PUM2: variants seen among roughly 807,000 people sequenced by gnomAD.
PUM2 encodes the protein pumilio homolog 2.
Under a neutral mutation model 124.5 loss-of-function variants are expected in PUM2, and 57 were observed. The observed-to-expected ratio is 0.46, with a 90% CI of 0.37 to 0.57. The LOEUF (loss-of-function observed/expected upper bound fraction) is 0.57, where lower values mean the gene tolerates loss of function less well. Ranked by LOEUF, PUM2 falls within the 20% of genes least tolerant of loss-of-function variation. The pLI is 0.00. For missense variants in PUM2, 1,065 were observed against 1,290.6 expected (o/e 0.83, Z 2.68); for synonymous variants, 460 against 446.1 (o/e 1.03, Z -0.39).
chr2:20,264,147 G>A (rs1666958503), intron 13 of PUM2, among the ~76,000 whole-genome samples: 1 of 150,776 alleles, frequency 6.6e-6, no homozygotes, highest in Non-Finnish European at 1.5e-5. Flanking sequence ...GACCAGCCTG[G>A]CCAACGTGGT....
chr2:20,346,742 C>T (rs1470849713), intron 1 of PUM2, among the ~76,000 whole-genome samples: 1 of 152,166 alleles, frequency 6.6e-6, no homozygotes, highest in East Asian at 1.9e-4. Flanking sequence ...CCGCCATGAC[C>T]ACATTGTATG....
At chr2:20,346,645 T>C (rs1688295209) in intron 1 of PUM2, among the ~76,000 whole-genome samples, 1 of 152,210 alleles carries the variant, frequency 6.6e-6, no homozygotes, top group African/African-American at 2.4e-5. Flanking sequence ...ATAAGATAGA[T>C]CAAAGAGCTG....
At chr2:20,336,756 G>C (rs1285462325) in intron 1 of PUM2, among the ~76,000 whole-genome samples, 1 of 20,708 alleles carries the variant, frequency 4.8e-5, no homozygotes, top group Non-Finnish European at 1.2e-4. Context: ...ATCTGTGTGT[G>C]TGTGTGTGTG....
At chr2:20,327,472 T>C in intron 1 of PUM2, 94 bp from the exon 2 acceptor site, 1 of 748,178 alleles carries the variant, frequency 1.3e-6, no homozygotes, top group South Asian at 1.9e-5. Context: ...TGACTAATAT[T>C]AGCATGATCT....
intron 2 of PUM2, chr2:20,326,486 T>C: frequency 9.3e-7 from 1 of 1,072,534 alleles, no homozygotes; most frequent in Admixed American, 2.4e-5. Flanking sequence ...ACATCTTAGG[T>C]CTGTTCACTG....
In PUM2 at chr2:20,278,785, T is replaced by C. The variant is rs1422828995; in HGVS notation, c.1755A>G (p.Arg585=). ...GSSASSSATR[R]ESLSTSSDLY... Reference sequence around the variant, plus strand: ...AGTCAGAGCTAGTAGATAGAGACTCTCTCCTTGTGGCACTACTACTTGCAG... The same window carrying C: ...AGTCAGAGCTAGTAGATAGAGACTCCCTCCTTGTGGCACTACTACTTGCAG... Residue 585 remains arginine, a synonymous_variant, in exon 13 of 21, where the codon AGA becomes AGG. Coordinates refer to ENST00000361078, the MANE Select transcript of PUM2 (RefSeq NM_015317.5). 6.2e-7 allele frequency: 1 copy of C among 1,613,086 alleles called. No homozygotes were observed.
At chr2:20,305,293 T>A (rs1159383928) in intron 7 of PUM2, among the ~76,000 whole-genome samples, 3 of 151,938 alleles carry the variant, frequency 2.0e-5, no homozygotes, top group African/African-American at 7.3e-5. Flanking sequence ...GAGACCAGCC[T>A]GGACAATAGG....
At chr2:20,303,440 T>G (rs951912118) in intron 7 of PUM2, among the ~76,000 whole-genome samples, 3 of 151,476 alleles carry the variant, frequency 2.0e-5, no homozygotes, top group East Asian at 1.9e-4. Context: ...TTCAAGTTTT[T>G]TTTTTTTTTT....
At chr2:20,343,401 A>G (rs984672319) in intron 1 of PUM2, among the ~76,000 whole-genome samples, 9 of 152,168 alleles carry the variant, frequency 5.9e-5, no homozygotes, top group African/African-American at 2.2e-4. Context: ...CCTGGATGAC[A>G]GAGACCCTGC....
chr2:20,309,400 T>C (rs1249264594), intron 5 of PUM2, among the ~76,000 whole-genome samples: 1 of 144,240 alleles, frequency 6.9e-6, no homozygotes, highest in Admixed American at 7.0e-5. Context: ...AACTTAAGTA[T>C]ACACAGCAAG....
intron 10 of PUM2, among the ~76,000 whole-genome samples, chr2:20,286,431 TGG>T (rs1276201016): frequency 1.3e-5 from 2 of 152,224 alleles, no homozygotes; most frequent in Non-Finnish European, 2.9e-5. Context: ...ATGATAAAGA[TGG>T]ACATCATAAT....
intron 14 of PUM2, among the ~76,000 whole-genome samples, chr2:20,261,483 T>C (rs1480843150): frequency 3.3e-5 from 5 of 150,096 alleles, no homozygotes; most frequent in Admixed American, 6.7e-5. Context: ...CTGGTTTGTG[T>C]ATTTAGTATA....
At chr2:20,253,652 C>T (rs1659857817) in intron 20 of PUM2, among the ~76,000 whole-genome samples, 170 bp downstream of exon 20, 1 of 151,882 alleles carries the variant, frequency 6.6e-6, no homozygotes, top group African/African-American at 2.4e-5. Flanking sequence ...GCCATGATAA[C>T]CTTAAGCATA....
At chr2:20,342,875 T>C (rs1221902273) in intron 1 of PUM2, among the ~76,000 whole-genome samples, 1 of 152,212 alleles carries the variant, frequency 6.6e-6, no homozygotes, top group Non-Finnish European at 1.5e-5. Flanking sequence ...AAAGGCAAGT[T>C]ATTACATCAA....
In PUM2 at chr2:20,255,252, T is replaced by C; in HGVS notation, c.2712A>G (p.Leu904=). The part of the protein sequence containing the change: ...HCTAEQTLPI[L]EELHQHTEQL... ...GCTCTGTATGTTGGTGGAGTTCTTC[T>C]AAGATAGGTAAGGTCTGTTCTGCAG... The change falls in exon 18 of 21, where the codon TTA becomes TTG. Residue 904 remains leucine (L), a synonymous_variant. Coordinates refer to ENST00000361078, the MANE Select transcript of PUM2 (RefSeq NM_015317.5). 9 of 1,603,580 alleles carry C rather than the reference T, an allele frequency of 5.6e-6. No homozygotes were observed. Among genetic ancestry groups the C allele is most frequent in the Non-Finnish European group, 7.7e-6 (9 of 1,170,532 alleles).
intron 13 of PUM2, among the ~76,000 whole-genome samples, chr2:20,274,800 A>G (rs1216962323): frequency 1.3e-5 from 2 of 151,680 alleles, no homozygotes; most frequent in Non-Finnish European, 2.9e-5. Context: ...AATTACTATG[A>G]GCACAAAGAC....
chr2:20,265,249 C>CA (rs113132877), intron 13 of PUM2, among the ~76,000 whole-genome samples: 5,476 of 77,510 alleles, frequency 0.071, 261 homozygotes, highest in African/African-American at 0.17. Flanking sequence ...GAAACCGTCA[C>CA]AAAAAAAAAA....
chr2:20,272,360 G>A (rs1039151559), intron 13 of PUM2, among the ~76,000 whole-genome samples: 1 of 152,120 alleles, frequency 6.6e-6, no homozygotes, highest in African/African-American at 2.4e-5. Context: ...GTGTATGTGT[G>A]GTGTGAAACA....
chr2:20,273,324 CTTGT>C (rs1669471400), intron 13 of PUM2, among the ~76,000 whole-genome samples: 1 of 152,160 alleles, frequency 6.6e-6, no homozygotes, highest in Non-Finnish European at 1.5e-5. Context: ...TGTTCACATC[CTTGT>C]GAAGTCTACT....
Sources: allele counts gnomAD v4.1 joint callset (sites outside exome capture counted in the v4.1 genomes callset), GRCh38; gene constraint gnomAD v4.1.1; transcripts MANE v1.5; gene names NCBI Gene and HGNC (gene_info 2026-07-23, HGNC 2026-07-21).